CDH13: variants seen among roughly 807,000 people sequenced by gnomAD.
The protein encoded by CDH13 is cadherin 13.
In CDH13, 24 loss-of-function variants were observed where a neutral mutation model predicts 63.8. That is an observed-to-expected ratio of 0.38 (90% confidence interval 0.27 to 0.53). The LOEUF is 0.53. Ranked by LOEUF, CDH13 falls within the 20% of genes least tolerant of loss-of-function variation. The pLI is 0.85. For missense variants in CDH13, 1,049 were observed against 903.1 expected (o/e 1.16, Z -2.07); for synonymous variants, 503 against 355.3 (o/e 1.42, Z -4.67).
intron 6 of CDH13, among the ~76,000 whole-genome samples, chr16:83,392,555 A>ACACGAATGAATATTC (rs1268891874): frequency 1.3e-5 from 2 of 152,298 alleles, no homozygotes; most frequent in East Asian, 3.9e-4. Context: ...TAAGAACATC[A>ACACGAATGAATATTC]CACGAATGAA....
chr16:83,131,080 G>A (rs916358698), intron 4 of CDH13, among the ~76,000 whole-genome samples: 1 of 151,882 alleles, frequency 6.6e-6, no homozygotes, highest in African/African-American at 2.4e-5. Flanking sequence ...TAGAATTTGG[G>A]ATCTGCTTTT....
chr16:82,877,253 G>C (rs994861457), intron 2 of CDH13, among the ~76,000 whole-genome samples: 1 of 152,192 alleles, frequency 6.6e-6, no homozygotes, highest in Non-Finnish European at 1.5e-5. Flanking sequence ...AAATAAGTCT[G>C]ACAAGTAGGT....
At chr16:82,894,991 T>G (rs1444465534) in intron 2 of CDH13, among the ~76,000 whole-genome samples, 1 of 152,194 alleles carries the variant, frequency 6.6e-6, no homozygotes, top group Non-Finnish European at 1.5e-5. Flanking sequence ...GGGCCTTTTA[T>G]GCCACGGTAA....
intron 7 of CDH13, among the ~76,000 whole-genome samples, chr16:83,579,415 C>G (rs533152212): frequency 1.3e-5 from 2 of 152,080 alleles, no homozygotes; most frequent in African/African-American, 4.8e-5. Flanking sequence ...AGGAAACTTA[C>G]AATTATGGCA....
At chr16:83,111,024 T>TAAAAAA (rs2035031880) in intron 3 of CDH13, among the ~76,000 whole-genome samples, 1 of 68,330 alleles carries the variant, frequency 1.5e-5, no homozygotes, top group East Asian at 7.0e-4. Context: ...AAAAAAAAAT[T>TAAAAAA]AGCCGGGCGT....
intron 1 of CDH13, among the ~76,000 whole-genome samples, chr16:82,856,219 A>T (rs1305918643): frequency 1.3e-5 from 2 of 151,800 alleles, no homozygotes; most frequent in Non-Finnish European, 2.9e-5. Flanking sequence ...TACTAAAAAT[A>T]GAAAAAATTA....
intron 3 of CDH13, among the ~76,000 whole-genome samples, chr16:83,085,371 A>G (rs1390260834): frequency 1.3e-5 from 2 of 152,086 alleles, no homozygotes; most frequent in African/African-American, 4.8e-5. Flanking sequence ...ATTCTGGGAG[A>G]TACAGTTCAA....
chr16:83,700,185 G>A (rs1906007760), intron 10 of CDH13, among the ~76,000 whole-genome samples: 1 of 152,112 alleles, frequency 6.6e-6, no homozygotes, highest in Non-Finnish European at 1.5e-5. Flanking sequence ...CATAAAGTAT[G>A]CCCTCTTTTT....
chr16:83,679,447 C>T (rs1428670632), intron 10 of CDH13, among the ~76,000 whole-genome samples: 1 of 152,204 alleles, frequency 6.6e-6, no homozygotes, highest in Non-Finnish European at 1.5e-5. Flanking sequence ...AAATGTGCAA[C>T]AGGGACTGAG....
At chr16:82,801,537 C>G (rs868229767) in intron 1 of CDH13, among the ~76,000 whole-genome samples, 13 of 152,182 alleles carry the variant, frequency 8.5e-5, no homozygotes, top group African/African-American at 9.7e-5. Flanking sequence ...TGTGAAGCCA[C>G]AAACGGCAGC....
At chr16:82,630,816 C>T (rs1041419539) in intron 1 of CDH13, among the ~76,000 whole-genome samples, 1 of 152,176 alleles carries the variant, frequency 6.6e-6, no homozygotes, top group East Asian at 1.9e-4. Flanking sequence ...ACGTAGCCAA[C>T]AGTGTTTCTG....
At chr16:83,019,066 A>C (rs558137325) in intron 2 of CDH13, among the ~76,000 whole-genome samples, 1 of 152,296 alleles carries the variant, frequency 6.6e-6, no homozygotes, top group African/African-American at 2.4e-5. Context: ...TTTATAAGAA[A>C]AAGCTTTCTT....
intron 3 of CDH13, among the ~76,000 whole-genome samples, chr16:83,100,118 C>T (rs1260938848): frequency 1.3e-5 from 2 of 152,176 alleles, no homozygotes; most frequent in Non-Finnish European, 2.9e-5. Flanking sequence ...AATTCGTGTG[C>T]TGTCTGAGGA....
chr16:83,037,653 A>G (rs1033954375), intron 3 of CDH13, among the ~76,000 whole-genome samples: 32 of 152,292 alleles, frequency 2.1e-4, no homozygotes, highest in African/African-American at 7.7e-4. Context: ...GGACATCTTT[A>G]TAGAGATGTC....
intron 2 of CDH13, among the ~76,000 whole-genome samples, chr16:82,987,567 G>C (rs956436424): frequency 6.6e-6 from 1 of 152,108 alleles, no homozygotes; most frequent in Non-Finnish European, 1.5e-5. Flanking sequence ...AGTAGAGACT[G>C]AGTTTCACTA....
intron 1 of CDH13, among the ~76,000 whole-genome samples, chr16:82,658,727 G>A (rs948955146): frequency 4.6e-5 from 7 of 152,280 alleles, no homozygotes; most frequent in African/African-American, 7.2e-5. Context: ...ATGGTTTGCC[G>A]TGACCTCTCT....
At chr16:82,796,756 G>A (rs936490469) in intron 1 of CDH13, among the ~76,000 whole-genome samples, 3 of 152,194 alleles carry the variant, frequency 2.0e-5, no homozygotes, top group East Asian at 1.9e-4. Flanking sequence ...TTTAGTTGAC[G>A]AATTATAAGG....
chr16:83,448,404 C>G (rs1328490725), intron 6 of CDH13, among the ~76,000 whole-genome samples: 1 of 152,164 alleles, frequency 6.6e-6, no homozygotes, highest in East Asian at 1.9e-4. Flanking sequence ...TTCAGCAGTT[C>G]TGTGCATGAC....
At chr16:83,033,147 C>T (rs1234072018) in intron 3 of CDH13, among the ~76,000 whole-genome samples, 1 of 152,094 alleles carries the variant, frequency 6.6e-6, no homozygotes, top group Non-Finnish European at 1.5e-5. Context: ...CATATGTATA[C>T]ATCCACATTT....
Sources: gnomAD v4.1 joint callset for allele counts (sites outside exome capture counted in the v4.1 genomes callset) on GRCh38, gnomAD v4.1.1 for gene constraint, MANE v1.5 for transcripts, NCBI Gene and HGNC (gene_info 2026-07-23, HGNC 2026-07-21) for gene names.